Variants in DNAH14 observed in about 807,000 individuals in gnomAD.
DNAH14 encodes axonemal beta dynein heavy chain 14.
Under a neutral mutation model 520.9 loss-of-function variants are expected in DNAH14, and 478 were observed. That is an observed-to-expected ratio of 0.92 (90% CI 0.85 to 0.99). The LOEUF (loss-of-function observed/expected upper bound fraction) is 0.99, where lower values mean the gene tolerates loss of function less well. Among genes scored for constraint, DNAH14 ranks in the 50% least tolerant of loss-of-function variants. DNAH14 has a pLI of 0.00. For missense variants in DNAH14, 4,831 were observed against 5,234.5 expected, an observed-to-expected ratio of 0.92 and a Z score of 2.38; for synonymous variants, 1,581 against 1,757.2, an observed-to-expected ratio of 0.90 and a Z score of 2.51.
chr1:225,344,857 G>T (rs2095262858), intron 69 of DNAH14, among the ~76,000 whole-genome samples: 2 of 152,076 alleles, frequency 1.3e-5, no homozygotes, highest in Admixed American at 1.3e-4. Flanking sequence ...TGGGACTACA[G>T]GTGTGCACCA....
intron 21 of DNAH14, among the ~76,000 whole-genome samples, chr1:225,089,242 G>A (rs12092671): frequency 0.043 from 6,548 of 152,020 alleles, 417 homozygotes; most frequent in African/African-American, 0.14. Flanking sequence ...TCAGGAGTTT[G>A]AGACCAACCT....
Position 225,252,352 on chromosome 1 carries a change from T to A in DNAH14, c.6800T>A (p.Ile2267Lys). The change falls in exon 44 of 86, where the codon ATA (isoleucine) becomes AAA (lysine). Residue 2267 changes from isoleucine (I) to lysine (K), a missense_variant. Transcript: ENST00000682510. Reference sequence around the variant, plus strand: ...TCCATCTTTGGATATTTTGTGGATATAGAGCAATGTGAATTCATACCTTGG... The same window carrying A: ...TCCATCTTTGGATATTTTGTGGATAAAGAGCAATGTGAATTCATACCTTGG... ...ECSIFGYFVD[I>K]EQCEFIPWSD... The A allele has an allele frequency of 1.3e-6, 2 of 1,550,180 alleles. No individual in the cohort carries two copies. The highest frequency in any genetic ancestry group is 1.7e-6 in the Non-Finnish European group (2 of 1,146,094).
At chr1:225,088,713 A>G (rs773139966) in intron 21 of DNAH14, among the ~76,000 whole-genome samples, 1 of 152,244 alleles carries the variant, frequency 6.6e-6, no homozygotes, top group Non-Finnish European at 1.5e-5. Context: ...ATTTCTCAAA[A>G]CCAGTGGGGA....
chr1:225,208,539 A>G (rs2149437487), intron 41 of DNAH14, among the ~76,000 whole-genome samples: 1 of 152,300 alleles, frequency 6.6e-6, no homozygotes, highest in South Asian at 2.1e-4. Flanking sequence ...AAGATGAATA[A>G]AAATTGAAAG....
chr1:225,041,831 CA>C (rs1342137566), intron 12 of DNAH14, among the ~76,000 whole-genome samples: 1 of 152,110 alleles, frequency 6.6e-6, no homozygotes, highest in African/African-American at 2.4e-5. Context: ...ATAAGCTAAG[CA>C]GCACATTATA....
chr1:225,359,900 A>C (rs558100643), intron 74 of DNAH14, among the ~76,000 whole-genome samples: 2 of 152,362 alleles, frequency 1.3e-5, no homozygotes, highest in East Asian at 3.9e-4. Context: ...GGTTTGTTAC[A>C]TAGGGTAAAC....
At chr1:225,317,981 G>A (rs1027319912) in intron 60 of DNAH14, among the ~76,000 whole-genome samples, 1 of 152,070 alleles carries the variant, frequency 6.6e-6, no homozygotes, top group Non-Finnish European at 1.5e-5. Context: ...ACTATATAGG[G>A]AAGTAACTGT....
At chr1:225,398,969 C>T in intron 85 of DNAH14, 85 bp from the exon 86 acceptor site, 5 of 1,038,152 alleles carry the variant, frequency 4.8e-6, no homozygotes. Context: ...ATAACAAATC[C>T]CTCAAGCCTA....
At chr1:225,320,670 A>G (rs1233301439) in intron 61 of DNAH14, among the ~76,000 whole-genome samples, 3 of 152,226 alleles carry the variant, frequency 2.0e-5, no homozygotes, top group African/African-American at 7.2e-5. Context: ...TTGCCCCATG[A>G]TACTTTCATC....
At chr1:225,165,890 T>C (rs2081997094) in intron 35 of DNAH14, among the ~76,000 whole-genome samples, 1 of 152,094 alleles carries the variant, frequency 6.6e-6, no homozygotes. Flanking sequence ...TGGCCTCATA[T>C]TTTTTTATTT....
intron 23 of DNAH14, among the ~76,000 whole-genome samples, chr1:225,115,105 A>G (rs1218794782): frequency 6.6e-6 from 1 of 152,162 alleles, no homozygotes; most frequent in Non-Finnish European, 1.5e-5. Flanking sequence ...TGTCACTGAG[A>G]TGATGCATTT....
At chr1:225,322,575 A>C (rs2094578024) in intron 61 of DNAH14, 89 bp from the exon 62 acceptor site, 1 of 1,248,766 alleles carries the variant, frequency 8.0e-7, no homozygotes, top group South Asian at 2.5e-5. Context: ...TGTGTGTTAA[A>C]AATCTGTGTA....
chr1:225,308,536 T>C (rs746755902), intron 60 of DNAH14, 126 bp downstream of exon 60: 157 of 966,146 alleles, frequency 1.6e-4, no homozygotes, highest in Non-Finnish European at 2.1e-4. Context: ...TTACTTTTCA[T>C]TGTAATTCCA....
At chr1:225,323,463 GTTTTGTT>G (rs71170074) in intron 62 of DNAH14, among the ~76,000 whole-genome samples, 11,458 of 151,978 alleles carry the variant, frequency 0.075, 672 homozygotes, top group East Asian at 0.26. Flanking sequence ...TTGTTGTTTT[GTTTTGTT>G]TTTTGTTTTT....
Position 225,351,756 on chromosome 1 carries a change from A to G in DNAH14, c.11406A>G (p.Lys3802=), listed in dbSNP as rs574438270. The change falls in exon 72 of 86, where the codon AAA becomes AAG. Residue 3802 remains lysine (K), a synonymous_variant. Transcript: ENST00000682510. The part of the protein sequence containing the change: ...THLEPFSLLC[K]SLLSNVSQWD... ...TGGAACCATTTTCACTTCTGTGCAA[A>G]TCCCTTTTATCAAACGTATCACAAT... 1 of 1,551,370 alleles carries G rather than the reference A, an allele frequency of 6.4e-7. No individual in the cohort carries two copies. Among genetic ancestry groups the G allele is most frequent in the African/African-American group, 1.4e-5 (1 of 73,134 alleles).
At chr1:224,975,148 T>C (rs978763997) in intron 8 of DNAH14, among the ~76,000 whole-genome samples, 23 of 151,736 alleles carry the variant, frequency 1.5e-4, no homozygotes, top group Non-Finnish European at 1.9e-4. Flanking sequence ...TTGAGGATTT[T>C]TGCATCAATG....
At chr1:224,984,493 A>G (rs1260681946) in intron 8 of DNAH14, among the ~76,000 whole-genome samples, 1 of 152,234 alleles carries the variant, frequency 6.6e-6, no homozygotes, top group Non-Finnish European at 1.5e-5. Flanking sequence ...CAAGGATTTC[A>G]TGACCAAAAA....
chr1:225,354,882 G>A (rs2095412767), intron 73 of DNAH14, among the ~76,000 whole-genome samples: 1 of 152,014 alleles, frequency 6.6e-6, no homozygotes, highest in Non-Finnish European at 1.5e-5. Flanking sequence ...CTTTATTCTT[G>A]CAACACTTTA....
intron 43 of DNAH14, among the ~76,000 whole-genome samples, chr1:225,244,277 C>T (rs1272691474): frequency 6.6e-6 from 1 of 152,032 alleles, no homozygotes; most frequent in Non-Finnish European, 1.5e-5. Context: ...GAGGATTTTT[C>T]ATCGATGTTC....
Sources: allele counts gnomAD v4.1 joint callset (sites outside exome capture counted in the v4.1 genomes callset), GRCh38; gene constraint gnomAD v4.1.1; transcripts MANE v1.5; gene names NCBI Gene and HGNC (gene_info 2026-07-23, HGNC 2026-07-21).